Variants in IQCH observed in about 807,000 individuals in gnomAD.
The protein encoded by IQCH is IQ domain-containing protein H.
A neutral mutation model predicts 117.0 loss-of-function variants in IQCH; 98 were observed. The ratio of observed to expected loss-of-function variants is 0.84; its 90% confidence interval spans 0.71 to 0.99. IQCH has a LOEUF of 0.99. IQCH is among the 50% of genes least tolerant of loss of function. The pLI is 0.00. For synonymous variants in IQCH, 412 were observed against 448.2 expected (o/e 0.92, Z 1.02); for missense variants, 1,102 against 1,243.8 (o/e 0.89, Z 1.72).
chr15:67,430,362 A>G lies in IQCH; in HGVS notation c.2505+8785A>G, dbSNP rs761563503. The G allele has an allele frequency of 4.6e-5, 7 of 152,158 alleles. No individual in the cohort carries two copies. The highest frequency in any genetic ancestry group is 1.0e-4 in the Non-Finnish European group (7 of 68,028). 9.4% of individuals were successfully genotyped at this position (152,158 alleles called of 1,614,324 possible). On this transcript the variant is annotated intron_variant, in intron 16 of 20. Transcript: ENST00000335894. This position sits in a 1 kb window ranked among gnomAD's most constrained non-coding sequence, Gnocchi z 5.1. ...AGGAGGATGACAAGTTCATTGAACA[A>G]ACACCTTCAGAGGACCTACTCTGGC... is the stretch of plus-strand genomic sequence containing the variant.
At chr15:67,323,281 C>CG (rs1283769142) in intron 4 of IQCH, among the ~76,000 whole-genome samples, 1 of 119,724 alleles carries the variant, frequency 8.4e-6, no homozygotes, top group Non-Finnish European at 1.6e-5. Flanking sequence ...CTTGCTCTGT[C>CG]GTCCAGGCTG....
At chr15:67,316,791 T>C (rs969524359) in intron 4 of IQCH, among the ~76,000 whole-genome samples, 1 of 152,178 alleles carries the variant, frequency 6.6e-6, no homozygotes, top group African/African-American at 2.4e-5. Flanking sequence ...TAATTCAAAC[T>C]CAACCAGTCG....
rs763120253 is a variant in IQCH at position 67,372,672 on chromosome 15, G to A, written c.1305+10G>A. On this transcript the variant is annotated intron_variant, in intron 9 of 20. Coordinates refer to ENST00000335894, the MANE Select transcript of IQCH (RefSeq NM_001031715.3). ...TCGCATTCGAGCCAAGGTGCACAAG[G>A]CTGCCAGCTGTTAAGGCAGACCTCT... The A allele has an allele frequency of 9.4e-6, 15 of 1,587,550 alleles. No homozygotes were observed. In the South Asian group the frequency reaches 1.7e-4, roughly 18 times the overall value.
At chr15:67,321,428 TTCC>T (rs1968113661) in intron 4 of IQCH, among the ~76,000 whole-genome samples, 1 of 152,048 alleles carries the variant, frequency 6.6e-6, no homozygotes, top group Admixed American at 6.6e-5. Context: ...TCTTCCTTCC[TTCC>T]TTCTTTTCTT....
At chr15:67,452,898 A>G (rs1567201319) in intron 16 of IQCH, among the ~76,000 whole-genome samples, 1 of 152,160 alleles carries the variant, frequency 6.6e-6, no homozygotes. Flanking sequence ...ACATAGTCCC[A>G]TATTTTTTGG....
rs1257850574 is a variant in IQCH, at chr15:67,426,910, C to T, written c.2505+5333C>T. ...CTGAGGTAGGAGGATTGCTTGGGCC[C>T]GGGAGGTCAATGCTGCAATAAGCTG... On this transcript the variant is annotated intron_variant, in intron 16 of 20. Coordinates refer to ENST00000335894, the MANE Select transcript of IQCH (RefSeq NM_001031715.3). This position sits in a 1 kb window ranked among gnomAD's most constrained non-coding sequence, Gnocchi z 5.1. 6.6e-6 allele frequency among the ~76,000 whole-genome samples: 1 copy of T among 151,500 alleles called. No homozygotes were observed. The highest frequency in any genetic ancestry group is 6.6e-5 in the Admixed American group (1 of 15,158).
At chr15:67,316,985 G>A (rs368240382) in intron 4 of IQCH, among the ~76,000 whole-genome samples, 1 of 152,128 alleles carries the variant, frequency 6.6e-6, no homozygotes, top group African/African-American at 2.4e-5. Context: ...AAAGATCAGA[G>A]TATTTAATAA....
In IQCH at chr15:67,456,243, T is replaced by G. The variant is rs2141002425; in HGVS notation, c.2506-8884T>G. On this transcript the variant is annotated intron_variant, in intron 16 of 20. Coordinates refer to ENST00000335894, the MANE Select transcript of IQCH (RefSeq NM_001031715.3). This position sits in a 1 kb window ranked among gnomAD's most constrained non-coding sequence, Gnocchi z 5.1. The stretch of plus-strand genomic sequence containing the variant: ...CCATTTTTGATCCTCAAATTAATTT[T>G]AGATATAGTTTCTGCATATCATGAA... Among the ~76,000 whole-genome samples the G allele has an allele frequency of 6.6e-6, 1 of 152,358 alleles. No individual in the cohort carries two copies. The highest frequency in any genetic ancestry group is 1.5e-5 in the Non-Finnish European group (1 of 68,028).
chr15:67,421,539 C>T lies in IQCH; in HGVS notation c.2467C>T (p.Leu823=), dbSNP rs2081742904. ...TGTGGTTGGTTACTTTTCGATAGAT[C>T]TGGTGACTTTTATAGATCCAAGCAC... ...RDVVGYFSID[L]VTFIDPSTLE... The change falls in exon 16 of 21, where the codon CTG becomes TTG. Residue 823 remains leucine (L), a synonymous_variant. Transcript: ENST00000335894. 1 of 1,614,074 alleles carries T rather than the reference C, an allele frequency of 6.2e-7. No individual in the cohort carries two copies. The highest frequency in any genetic ancestry group is 8.5e-7 in the Non-Finnish European group (1 of 1,180,020).
chr15:67,368,752 C>T (rs1204353986), intron 8 of IQCH, among the ~76,000 whole-genome samples: 1 of 152,184 alleles, frequency 6.6e-6, no homozygotes, highest in Non-Finnish European at 1.5e-5. Context: ...TGAGATCCTG[C>T]TTGTATCTGA....
chr15:67,483,258 C>T (rs1214063166), intron 18 of IQCH, among the ~76,000 whole-genome samples: 3 of 152,194 alleles, frequency 2.0e-5, no homozygotes, highest in Non-Finnish European at 2.9e-5. Flanking sequence ...CAGTGGCTCA[C>T]GCCTGTAATC....
intron 3 of IQCH, among the ~76,000 whole-genome samples, chr15:67,265,400 A>G (rs979467909): frequency 2.0e-5 from 3 of 152,216 alleles, no homozygotes; most frequent in Admixed American, 1.3e-4. Flanking sequence ...GTACAGTAGT[A>G]TAATCATTGG....
chr15:67,418,513 C>CCCCACA (rs1555489464), intron 15 of IQCH, among the ~76,000 whole-genome samples: 4 of 114,092 alleles, frequency 3.5e-5, no homozygotes, highest in Non-Finnish European at 5.1e-5. Context: ...CAAGTGGCTA[C>CCCCACA]CACACACACA....
chr15:67,427,973 C>T lies in IQCH; in HGVS notation c.2505+6396C>T, dbSNP rs562019794. On this transcript the variant is annotated intron_variant, in intron 16 of 20. Transcript: ENST00000335894. This position sits in a 1 kb window ranked among gnomAD's most constrained non-coding sequence, Gnocchi z 4.7. ...CCTCCTGAGTAGCTGGGATTACAGG[C>T]ACACACCACACCTGACTAACTTTTG... is the stretch of plus-strand genomic sequence containing the variant. 6.6e-6 allele frequency among the ~76,000 whole-genome samples: 1 copy of T among 152,126 alleles called. No homozygotes were observed. The highest frequency in any genetic ancestry group is 2.4e-5 in the African/African-American group (1 of 41,508).
At chr15:67,329,868 AT>A (rs1968586068) in intron 4 of IQCH, among the ~76,000 whole-genome samples, 1 of 152,024 alleles carries the variant, frequency 6.6e-6, no homozygotes, top group Admixed American at 6.6e-5. Flanking sequence ...ATAGTGAATT[AT>A]ATATGTGTGT....
At chr15:67,307,893 C>T (rs758526052) in intron 4 of IQCH, among the ~76,000 whole-genome samples, 1 of 152,024 alleles carries the variant, frequency 6.6e-6, no homozygotes, top group African/African-American at 2.4e-5. Context: ...TTTGAAAGGT[C>T]GCCATTTGTT....
At chr15:67,394,644 C>G (rs1169485855) in intron 12 of IQCH, among the ~76,000 whole-genome samples, 1 of 152,144 alleles carries the variant, frequency 6.6e-6, no homozygotes, top group Non-Finnish European at 1.5e-5. Flanking sequence ...CTGGGACTAA[C>G]TAGTCAAAAA....
chr15:67,405,284 C>T lies in IQCH; in HGVS notation c.2097+4979C>T, dbSNP rs1367344644. On this transcript the variant is annotated intron_variant, in intron 14 of 20. Transcript: ENST00000335894. This position sits in a 1 kb window ranked among gnomAD's most constrained non-coding sequence, Gnocchi z 4.8. The stretch of plus-strand genomic sequence containing the variant: ...TTTTTATATGTTGAAATCTTGATGT[C>T]TTAGATTATCTTTATGTATTTAGTG... The T allele has an allele frequency of 6.6e-6, 1 of 151,934 alleles. No individual in the cohort carries two copies. The highest frequency in any genetic ancestry group is 2.4e-5 in the African/African-American group (1 of 41,358). 9.4% of individuals were successfully genotyped at this position (151,934 alleles called of 1,614,324 possible).
At chr15:67,328,270 C>A (rs1039159829) in intron 4 of IQCH, among the ~76,000 whole-genome samples, 4 of 151,970 alleles carry the variant, frequency 2.6e-5, no homozygotes, top group African/African-American at 9.7e-5. Flanking sequence ...ATTATATTAC[C>A]TTTATCAAAA....
Sources: allele counts gnomAD v4.1 joint callset (sites outside exome capture counted in the v4.1 genomes callset), GRCh38; gene constraint gnomAD v4.1.1; non-coding constraint Gnocchi (gnomAD v3.1); transcripts MANE v1.5; gene names NCBI Gene and HGNC (gene_info 2026-07-23, HGNC 2026-07-21).